Variants in PCDH15 observed in about 807,000 individuals in gnomAD.
The protein encoded by PCDH15 is protocadherin related 15.
Under a neutral mutation model 178.5 loss-of-function variants are expected in PCDH15, and 129 were observed. The observed-to-expected ratio is 0.72, with a 90% CI of 0.63 to 0.84. The LOEUF is 0.84. PCDH15 is among the 40% of genes least tolerant of loss of function. The pLI, the probability that PCDH15 is intolerant of heterozygous loss-of-function variation, is 0.00. For missense variants in PCDH15, 2,230 were observed against 2,099.9 expected, an observed-to-expected ratio of 1.06 and a Z score of -1.21; for synonymous variants, 800 against 732.0, an observed-to-expected ratio of 1.09 and a Z score of -1.50.
At chr10:55,165,153 TTG>T (rs1839163536) in intron 2 of PCDH15, among the ~76,000 whole-genome samples, 1 of 152,114 alleles carries the variant, frequency 6.6e-6, no homozygotes, top group East Asian at 1.9e-4. Context: ...CATGAAAATT[TTG>T]TCTTTTCAAG....
intron 2 of PCDH15, among the ~76,000 whole-genome samples, chr10:55,524,590 T>A (rs566003608): frequency 1.4e-4 from 21 of 151,690 alleles, no homozygotes; most frequent in Non-Finnish European, 3.0e-4. Context: ...ATACATATCT[T>A]GCAATAGATT....
rs1379137254 is a variant in PCDH15, at chr10:54,589,959, T to G, written c.92-62082A>C. Among the ~76,000 whole-genome samples, 8 of 152,256 alleles carry G rather than the reference T, an allele frequency of 5.3e-5. No individual in the cohort carries two copies. In the East Asian group the frequency reaches 1.5e-3, roughly 29 times the overall value. ...TGAAATTCTGTGTATTGGAATAATA[T>G]ATATACCATGGCAATGAGCATTTGT... On this transcript the variant is annotated intron_variant, in intron 2 of 37. Transcript: ENST00000644397.
At chr10:54,306,249 T>C (rs2060461467) in intron 8 of PCDH15, among the ~76,000 whole-genome samples, 1 of 152,116 alleles carries the variant, frequency 6.6e-6, no homozygotes, top group Non-Finnish European at 1.5e-5. Context: ...TGACCTTTTC[T>C]ATTAGACACA....
At chr10:54,346,866 A>G (rs1046419528) in intron 5 of PCDH15, among the ~76,000 whole-genome samples, 1 of 152,258 alleles carries the variant, frequency 6.6e-6, no homozygotes, top group African/African-American at 2.4e-5. Flanking sequence ...AGTTAGTTTA[A>G]AATAAACGAT....
intron 2 of PCDH15, among the ~76,000 whole-genome samples, chr10:54,584,575 T>C (rs1247465991): frequency 6.6e-6 from 1 of 152,156 alleles, no homozygotes; most frequent in Non-Finnish European, 1.5e-5. Context: ...TTTCATATCT[T>C]CTTTCTTTTA....
chr10:55,338,577 G>A (rs1295380757), intron 2 of PCDH15, among the ~76,000 whole-genome samples: 1 of 152,146 alleles, frequency 6.6e-6, no homozygotes, highest in Non-Finnish European at 1.5e-5. Context: ...AGACCAGCTT[G>A]GCCAACATGG....
chr10:54,322,654 A>T (rs1264556159), intron 7 of PCDH15, among the ~76,000 whole-genome samples: 4 of 151,966 alleles, frequency 2.6e-5, no homozygotes, highest in African/African-American at 9.6e-5. Context: ...TACCAACCAA[A>T]AAAAGCACTG....
rs1272925120 is a variant in PCDH15 at position 54,599,762 on chromosome 10, GT to G, written c.91+64409del. 9.9e-6 allele frequency: 5 copies of G among 504,688 alleles called. No individual in the cohort carries two copies. The East Asian group carries it at 2.3e-4, about 23-fold the overall frequency. The allele number at this position is 504,688 out of a possible 1,614,324, so 31.3% of individuals were successfully genotyped here. A position where few individuals can be genotyped will look rare whatever the true frequency, so the allele number is the denominator to read the frequency against. On this transcript the variant is annotated intron_variant, in intron 2 of 37. Transcript: ENST00000644397. ...GAAGAAGAGGAGGTAAAAGATGAGG[GT>G]GATAAGTTAGACCAAGCTGAAGAGG...
chr10:53,806,525 C>CAGTTT lies in PCDH15; in HGVS notation c.*49_*53dup, dbSNP rs1841170294. The CAGTTT allele has an allele frequency of 1.5e-6, 2 of 1,377,058 alleles. No individual in the cohort carries two copies. The highest frequency in any genetic ancestry group is 2.5e-5 in the East Asian group (1 of 39,774). The allele number at this position is 1,377,058 out of a possible 1,614,324, so 85.3% of individuals were successfully genotyped here. A position where few individuals can be genotyped will look rare whatever the true frequency, so the allele number is the denominator to read the frequency against. On this transcript the variant is annotated 3_prime_UTR_variant, in exon 38 of 38. Coordinates refer to ENST00000644397, the MANE Select transcript of PCDH15 (RefSeq NM_001384140.1). Reference sequence around the variant, plus strand: ...GTTTTCTCAGTGACAATAAAAAGCACAGTTTATTAAAAATGTAAGTAAAAA... The same window carrying CAGTTT: ...GTTTTCTCAGTGACAATAAAAAGCACAGTTTAGTTTATTAAAAATGTAAGTAAAAA...
intron 8 of PCDH15, among the ~76,000 whole-genome samples, chr10:54,308,992 G>A (rs531055073): frequency 7.2e-5 from 11 of 152,004 alleles, no homozygotes; most frequent in Admixed American, 2.0e-4. Context: ...AACGATCTTC[G>A]CATTAAAAGG....
chr10:54,399,928 G>T (rs1951727592), intron 3 of PCDH15, among the ~76,000 whole-genome samples: 1 of 152,098 alleles, frequency 6.6e-6, no homozygotes, highest in Admixed American at 6.6e-5. Context: ...GTACAGCAAT[G>T]CACCCTTTCT....
Position 53,827,426 on chromosome 10 carries a change from G to C in PCDH15, c.4334C>G (p.Ala1445Gly), listed in dbSNP as rs146745502. 878 of 1,613,180 alleles carry C rather than the reference G, an allele frequency of 5.4e-4. 13 individuals are homozygous for C. The Admixed American group carries it at 0.013, about 24-fold the overall frequency. Reference sequence around the variant, plus strand: ...GTCTCCAAGTTCTTCATAGAGATGCGCACCTGGCGGAGGCGGCGGCGGCGG... The same window carrying C: ...GTCTCCAAGTTCTTCATAGAGATGCCCACCTGGCGGAGGCGGCGGCGGCGG... Reference protein sequence around the residue: ...PPPPPPPPPGAHLYEELGDSS... With the variant: ...PPPPPPPPPGGHLYEELGDSS... The change falls in exon 32 of 38, where the codon GCG becomes GGG. Residue 1445 changes from alanine to glycine, a missense_variant. Transcript: ENST00000644397.
At chr10:55,012,053 T>C (rs966181128) in intron 2 of PCDH15, among the ~76,000 whole-genome samples, 5 of 152,136 alleles carry the variant, frequency 3.3e-5, no homozygotes, top group Non-Finnish European at 5.9e-5. Flanking sequence ...AGTATATTTC[T>C]GAAGCCAATT....
At chr10:54,019,073 T>G (rs1441654760) in intron 20 of PCDH15, among the ~76,000 whole-genome samples, 1 of 152,104 alleles carries the variant, frequency 6.6e-6, no homozygotes, top group Non-Finnish European at 1.5e-5. Flanking sequence ...CTCCCTCCAC[T>G]GCCCTTGCTC....
At chr10:54,232,261 C>A (rs1296783739) in intron 9 of PCDH15, among the ~76,000 whole-genome samples, 1 of 152,092 alleles carries the variant, frequency 6.6e-6, no homozygotes, top group African/African-American at 2.4e-5. Context: ...TGTGTAGTAC[C>A]ACCCCTTCTC....
At chr10:55,093,694 A>G (rs1039188357) in intron 2 of PCDH15, among the ~76,000 whole-genome samples, 5 of 152,166 alleles carry the variant, frequency 3.3e-5, no homozygotes, top group Non-Finnish European at 7.4e-5. Context: ...CAAATTTACA[A>G]GAAAAAATCA....
At chr10:55,011,379 A>G (rs1278079104) in intron 2 of PCDH15, among the ~76,000 whole-genome samples, 1 of 152,126 alleles carries the variant, frequency 6.6e-6, no homozygotes, top group African/African-American at 2.4e-5. Flanking sequence ...TGAAATTAAA[A>G]TATGGAAGAC....
intron 18 of PCDH15, among the ~76,000 whole-genome samples, chr10:54,025,593 G>A (rs2093059948): frequency 6.6e-6 from 1 of 151,622 alleles, no homozygotes; most frequent in African/African-American, 2.4e-5. Context: ...CCGCCTTCTG[G>A]GTTCAAGCAA....
At chr10:53,826,582 C>A (rs1311371882) in intron 32 of PCDH15, among the ~76,000 whole-genome samples, 1 of 151,942 alleles carries the variant, frequency 6.6e-6, no homozygotes, top group Non-Finnish European at 1.5e-5. Context: ...CATATCATGT[C>A]CAAAAGCAGT....
Sources: allele counts gnomAD v4.1 joint callset (sites outside exome capture counted in the v4.1 genomes callset), GRCh38; gene constraint gnomAD v4.1.1; transcripts MANE v1.5; gene names NCBI Gene and HGNC (gene_info 2026-07-23, HGNC 2026-07-21).